The following AKAP8L variants were observed in gnomAD, a reference collection of about 807,000 sequenced individuals.
AKAP8L encodes A-kinase anchoring protein 8 like.
In AKAP8L, 34 loss-of-function variants were observed where a neutral mutation model predicts 77.5. The observed-to-expected ratio is 0.44, with a 90% confidence interval of 0.33 to 0.58. The LOEUF is 0.58. Among genes scored for constraint, AKAP8L ranks in the 20% least tolerant of loss-of-function variants. The pLI, the probability that AKAP8L is intolerant of heterozygous loss-of-function variation, is 0.02. For synonymous variants in AKAP8L, 342 were observed against 340.7 expected, an observed-to-expected ratio of 1.00 and a Z score of -0.04; for missense variants, 806 against 887.6, an observed-to-expected ratio of 0.91 and a Z score of 1.17.
chr19:15,390,392 C>G (rs1449439702), intron 12 of AKAP8L, among the ~76,000 whole-genome samples: 1 of 148,566 alleles, frequency 6.7e-6, no homozygotes, highest in Non-Finnish European at 1.5e-5. Flanking sequence ...GCACTCCAGC[C>G]TAGGCGACAG....
Position 15,401,331 on chromosome 19 carries a change from A to T in AKAP8L, c.635T>A (p.Met212Lys), listed in dbSNP as rs1458559533. Residue 212 changes from methionine to lysine, a missense_variant, in exon 5 of 14, where the codon ATG becomes AAG. Around this residue, in one of 2 missense-constraint regions of AKAP8L, gnomAD observed 580 missense variants for 694.1 expected, o/e 0.84. Transcript: ENST00000397410. This position sits in a 1 kb window ranked among gnomAD's most constrained non-coding sequence, Gnocchi z 6.2. ...EDPMGARGQC[M>K]SGASRLPSLF... Reference sequence around the variant, plus strand: ...GGAGGGCAGCCGAGAGGCACCAGACATGCACTGGCCCCGGGCCCCCATGGG... The same window carrying T: ...GGAGGGCAGCCGAGAGGCACCAGACTTGCACTGGCCCCGGGCCCCCATGGG... 6.2e-7 allele frequency: 1 copy of T among 1,613,368 alleles called. No homozygotes were observed.
Position 15,398,910 on chromosome 19 carries a change from TG to T in AKAP8L, c.1157+391del. 1 of 662,822 alleles carries T rather than the reference TG, an allele frequency of 1.5e-6. No individual in the cohort carries two copies. Among genetic ancestry groups the T allele is most frequent in the Non-Finnish European group, 2.0e-6 (1 of 501,340 alleles). The allele number at this position is 662,822 out of a possible 1,614,324, so 41.1% of individuals were successfully genotyped here. A position where few individuals can be genotyped will look rare whatever the true frequency, so the allele number is the denominator to read the frequency against. ...CTGCCATCTCTCCTGGGCACGGCGG[TG>T]GCCTCTTGGCAGCTAGCTGGGGCGG... On this transcript the variant is annotated intron_variant, in intron 9 of 13. Coordinates refer to ENST00000397410, the MANE Select transcript of AKAP8L (RefSeq NM_014371.4). This position sits in a 1 kb window ranked among gnomAD's most constrained non-coding sequence, Gnocchi z 9.2.
At chr19:15,406,402 A>G (rs915506265) in intron 2 of AKAP8L, among the ~76,000 whole-genome samples, 1 of 146,786 alleles carries the variant, frequency 6.8e-6, no homozygotes, top group African/African-American at 2.5e-5. Context: ...AGAGAGAGAG[A>G]GATCCTTAAA....
In AKAP8L at chr19:15,380,222, C is replaced by G; in HGVS notation, c.1841G>C (p.Gly614Ala). ...CGCCCCTCCCAGCAAGGGCACGGCGCCCTCCTCCTCCTCCTCTGGGGGCGG... is the reference window on the plus strand; with the variant it reads ...CGCCCCTCCCAGCAAGGGCACGGCGGCCTCCTCCTCCTCCTCTGGGGGCGG... ...PPPPPEEEEE[G>A]AVPLLGGALQ... The change falls in exon 14 of 14, where the codon GGC becomes GCC. Residue 614 changes from glycine (G) to alanine (A), a missense_variant. Around this residue, in one of 2 missense-constraint regions of AKAP8L, gnomAD observed 226 missense variants for 193.5 expected, o/e 1.17. Coordinates refer to ENST00000397410, the MANE Select transcript of AKAP8L (RefSeq NM_014371.4). 6.6e-7 allele frequency: 1 copy of G among 1,506,554 alleles called. No individual in the cohort carries two copies. The highest frequency in any genetic ancestry group is 8.8e-7 in the Non-Finnish European group (1 of 1,136,020). 93.3% of individuals were successfully genotyped at this position (1,506,554 alleles called of 1,614,324 possible).
At position 15,403,864 on chromosome 19, in the gene AKAP8L, T is replaced by C; in HGVS notation, c.121+146A>G. On this transcript the variant is annotated intron_variant, in intron 3 of 13. Transcript: ENST00000397410. This position sits in a 1 kb window ranked among gnomAD's most constrained non-coding sequence, Gnocchi z 4.3. Reference sequence around the variant, plus strand: ...GAAGCTAGATGGGCCCTGGTCATTCTGATGAGGGCCTCCTGTTAAGGAGTA... The same window carrying C: ...GAAGCTAGATGGGCCCTGGTCATTCCGATGAGGGCCTCCTGTTAAGGAGTA... The C allele has an allele frequency of 9.1e-7, 1 of 1,100,244 alleles. No individual in the cohort carries two copies. Among genetic ancestry groups the C allele is most frequent in the African/African-American group, 1.6e-5 (1 of 63,966 alleles). 68.2% of individuals were successfully genotyped at this position (1,100,244 alleles called of 1,614,324 possible).
intron 8 of AKAP8L, 181 bp downstream of exon 8, chr19:15,400,114 G>A (rs1056645105): frequency 7.9e-6 from 5 of 631,332 alleles, no homozygotes; most frequent in African/African-American, 7.4e-5. Context: ...GGAAGGAGGA[G>A]GAAGAGTGGG....
chr19:15,393,758 T>C (rs1010826295), intron 12 of AKAP8L, among the ~76,000 whole-genome samples: 3 of 151,844 alleles, frequency 2.0e-5, no homozygotes, highest in African/African-American at 7.3e-5. Context: ...CCGTCTCTAC[T>C]AAAAATACAA....
intron 2 of AKAP8L, among the ~76,000 whole-genome samples, chr19:15,407,521 T>G (rs1179199497): frequency 6.6e-6 from 1 of 152,234 alleles, no homozygotes; most frequent in Admixed American, 6.5e-5. Context: ...TAAGTGAGCT[T>G]AGCAAGGTTT....
intron 12 of AKAP8L, among the ~76,000 whole-genome samples, chr19:15,384,806 C>T (rs1397840894): frequency 6.6e-6 from 1 of 152,218 alleles, no homozygotes; most frequent in Non-Finnish European, 1.5e-5. Context: ...TTCAGCTTTT[C>T]TAAGAGCATA....
chr19:15,414,730 C>T (rs1028333835), intron 1 of AKAP8L, among the ~76,000 whole-genome samples: 12 of 150,614 alleles, frequency 8.0e-5, no homozygotes, highest in African/African-American at 2.4e-4. Flanking sequence ...CCTCGTGATC[C>T]GCCCACCTCG....
At position 15,403,891 on chromosome 19, in the gene AKAP8L, G is replaced by A; in HGVS notation, c.121+119C>T. 1 of 1,265,520 alleles carries A rather than the reference G, an allele frequency of 7.9e-7. No individual in the cohort carries two copies. The allele number at this position is 1,265,520 out of a possible 1,614,324, so 78.4% of individuals were successfully genotyped here. A position where few individuals can be genotyped will look rare whatever the true frequency, so the allele number is the denominator to read the frequency against. ...ATGAGGGCCTCCTGTTAAGGAGTAG[G>A]TAACCCCAGAAACATGCCCCCTCCC... is the stretch of plus-strand genomic sequence containing the variant. On this transcript the variant is annotated intron_variant, in intron 3 of 13. Coordinates refer to ENST00000397410, the MANE Select transcript of AKAP8L (RefSeq NM_014371.4). The surrounding 1 kb of genome is among the most constrained non-coding windows in gnomAD (Gnocchi z 4.3).
intron 1 of AKAP8L, among the ~76,000 whole-genome samples, chr19:15,415,452 G>T (rs926779114): frequency 6.6e-6 from 1 of 151,930 alleles, no homozygotes; most frequent in Non-Finnish European, 1.5e-5. Flanking sequence ...CAAAACAAAT[G>T]CTTCTCAGTT....
intron 2 of AKAP8L, among the ~76,000 whole-genome samples, chr19:15,409,512 G>C (rs1014150235): frequency 6.6e-6 from 1 of 152,168 alleles, no homozygotes; most frequent in African/African-American, 2.4e-5. Context: ...GACCCCTGAA[G>C]GCATGTTAGC....
rs1967845383 is a variant in AKAP8L at position 15,399,454 on chromosome 19, G to C, written c.1049-44C>G. On this transcript the variant is annotated intron_variant, in intron 8 of 13. Transcript: ENST00000397410. The surrounding 1 kb of genome is among the most constrained non-coding windows in gnomAD (Gnocchi z 6.1). The stretch of plus-strand genomic sequence containing the variant: ...ACTGTCACCAATTTGGCTCTGCCAG[G>C]ACAGGGCAGGCCCTGCGGCCTCTGG... The C allele has an allele frequency of 6.9e-7, 1 of 1,457,446 alleles. No homozygotes were observed. The highest frequency in any genetic ancestry group is 1.4e-5 in the African/African-American group (1 of 71,858). The allele number at this position is 1,457,446 out of a possible 1,614,324, so 90.3% of individuals were successfully genotyped here.
intron 12 of AKAP8L, among the ~76,000 whole-genome samples, chr19:15,387,748 C>G (rs1004094064): frequency 2.0e-5 from 3 of 152,196 alleles, no homozygotes; most frequent in Non-Finnish European, 2.9e-5. Context: ...CTCATAAGAT[C>G]AAGAGTTCGA....
At position 15,380,167 on chromosome 19, in the gene AKAP8L, G is replaced by A. The variant is rs752012911; in HGVS notation, c.1896C>T (p.Gly632=). ...ALQRQIRGIP[G]LDVEDDEEGG... ...CCTCCTCGTCGTCCTCCACGTCGAG[G>A]CCCGGGATGCCGCGGATCTGGCGTT... is the stretch of plus-strand genomic sequence containing the variant. Residue 632 remains glycine (G), a synonymous_variant, in exon 14 of 14, where the codon GGC becomes GGT. Coordinates refer to ENST00000397410, the MANE Select transcript of AKAP8L (RefSeq NM_014371.4). 263 of 1,505,278 alleles carry A rather than the reference G, an allele frequency of 1.7e-4. No homozygotes were observed. The highest frequency in any genetic ancestry group is 2.1e-4 in the Non-Finnish European group (238 of 1,135,710). The allele number at this position is 1,505,278 out of a possible 1,614,324, so 93.2% of individuals were successfully genotyped here. A position where few individuals can be genotyped will look rare whatever the true frequency, so the allele number is the denominator to read the frequency against.
chr19:15,395,670 C>G (rs2145124189), intron 12 of AKAP8L, among the ~76,000 whole-genome samples: 1 of 151,590 alleles, frequency 6.6e-6, no homozygotes, highest in East Asian at 2.0e-4. Context: ...TCTTCTAACC[C>G]CTACTAGTTC....
intron 12 of AKAP8L, among the ~76,000 whole-genome samples, chr19:15,389,323 A>T (rs1043745204): frequency 3.9e-5 from 6 of 152,132 alleles, no homozygotes; most frequent in Non-Finnish European, 7.4e-5. Flanking sequence ...AGGTAAAATG[A>T]ACAGTCTCAG....
At chr19:15,394,739 C>A (rs74819526) in intron 12 of AKAP8L, among the ~76,000 whole-genome samples, 1 of 151,950 alleles carries the variant, frequency 6.6e-6, no homozygotes, top group Admixed American at 6.6e-5. Context: ...ACTTTAAATG[C>A]GTGAATTGTA....
Sources: gnomAD v4.1 joint callset for allele counts (sites outside exome capture counted in the v4.1 genomes callset) on GRCh38, gnomAD v4.1.1 for gene constraint, gnomAD v4.1.1 regional missense constraint, Gnocchi (gnomAD v3.1) non-coding constraint, MANE v1.5 for transcripts, NCBI Gene and HGNC (gene_info 2026-07-23, HGNC 2026-07-21) for gene names.